CEP89: variants seen among roughly 807,000 people sequenced by gnomAD.
The protein encoded by CEP89 is centrosomal protein 89.
Under a neutral mutation model 97.6 loss-of-function variants are expected in CEP89, and 95 were observed. That is an observed-to-expected ratio of 0.97 (90% CI 0.82 to 1.15). The LOEUF is 1.15. Among genes scored for constraint, CEP89 ranks in the 50% most tolerant of loss-of-function variants. CEP89 has a pLI of 0.00. For missense variants in CEP89, 869 were observed against 947.7 expected, an observed-to-expected ratio of 0.92 and a Z score of 1.09; for synonymous variants, 354 against 349.1, an observed-to-expected ratio of 1.01 and a Z score of -0.16.
chr19:32,947,141 T>A (rs1467995311), intron 5 of CEP89, among the ~76,000 whole-genome samples: 1 of 152,192 alleles, frequency 6.6e-6, no homozygotes, highest in African/African-American at 2.4e-5. Context: ...GATAAAGTAG[T>A]TATTGGTTGT....
chr19:32,918,290 A>G lies in CEP89; in HGVS notation c.1318T>C (p.Leu440=), dbSNP rs199565316. 9 of 1,614,084 alleles carry G rather than the reference A, an allele frequency of 5.6e-6. No homozygotes were observed. Among genetic ancestry groups the G allele is most frequent in the Middle Eastern group, 1.6e-4 (1 of 6,084 alleles). ...TGCTGAATCTCCAACTGCTCCAGCA[A>G]CAACTTGTTTTCCTCTAAAACCAGT... ...AKLVLEENKL[L]LEQLEIQQRK... is the part of the protein sequence containing the mutation. Residue 440 remains leucine, a synonymous_variant, in exon 13 of 19, where the codon TTG becomes CTG. Coordinates refer to ENST00000305768, the MANE Select transcript of CEP89 (RefSeq NM_032816.5).
chr19:32,959,777 C>A (rs1971125166), intron 3 of CEP89, 123 bp downstream of exon 3: 1 of 1,010,582 alleles, frequency 9.9e-7, no homozygotes, highest in Admixed American at 2.6e-5. Flanking sequence ...GCATGAGCAC[C>A]CACGCACCCA....
chr19:32,954,652 CTGT>C (rs756782176), intron 3 of CEP89, among the ~76,000 whole-genome samples: 20 of 151,264 alleles, frequency 1.3e-4, no homozygotes, highest in Non-Finnish European at 3.0e-4. Context: ...TGAGCCCAGC[CTGT>C]TGTTATTATT....
At chr19:32,931,706 G>C in intron 8 of CEP89, 135 bp from the exon 9 acceptor site, 2 of 599,174 alleles carry the variant, frequency 3.3e-6, no homozygotes, top group South Asian at 2.5e-5. Flanking sequence ...GTGTGTGTCT[G>C]TGTGTGTATG....
chr19:32,912,732 C>T (rs1221727595), intron 14 of CEP89, among the ~76,000 whole-genome samples: 1 of 152,076 alleles, frequency 6.6e-6, no homozygotes, highest in East Asian at 1.9e-4. Context: ...TAGCTACACA[C>T]ATATAATTTT....
intron 14 of CEP89, among the ~76,000 whole-genome samples, chr19:32,905,503 A>C (rs1225673274): frequency 7.2e-6 from 1 of 138,690 alleles, no homozygotes; most frequent in Non-Finnish European, 1.6e-5. Context: ...TTTTTTTTTT[A>C]ATTCAATTCT....
intron 16 of CEP89, among the ~76,000 whole-genome samples, chr19:32,896,528 C>A (rs1422196784): frequency 6.6e-6 from 1 of 152,052 alleles, no homozygotes; most frequent in Non-Finnish European, 1.5e-5. Flanking sequence ...TAGAAGAAAA[C>A]ATAGAGGAAG....
intron 12 of CEP89, among the ~76,000 whole-genome samples, chr19:32,920,214 G>GTTTTGT (rs1165931813): frequency 6.6e-6 from 1 of 151,678 alleles, no homozygotes; most frequent in East Asian, 2.0e-4. Flanking sequence ...ATTTTTAATT[G>GTTTTGT]TTTTGTTTTT....
At chr19:32,951,378 T>C (rs1212027761) in intron 4 of CEP89, among the ~76,000 whole-genome samples, 1 of 151,688 alleles carries the variant, frequency 6.6e-6, no homozygotes, top group East Asian at 1.9e-4. Context: ...CCCAGCTACT[T>C]GGGAGGCTGA....
rs531375614 is a variant in CEP89, at chr19:32,966,201, A to G, written c.146+159T>C. 4 of 418,130 alleles carry G rather than the reference A, an allele frequency of 9.6e-6. No individual in the cohort carries two copies. The South Asian group carries it at 3.5e-4, about 37-fold the overall frequency. The allele number at this position is 418,130 out of a possible 1,614,324, so 25.9% of individuals were successfully genotyped here. On this transcript the variant is annotated intron_variant, in intron 2 of 18. Coordinates refer to ENST00000305768, the MANE Select transcript of CEP89 (RefSeq NM_032816.5). ...TCAGTCCATTATCCTCAGAGACACC[A>G]TATTAATTGCATCATTATGGAATCG...
chr19:32,886,659 G>A (rs188886739), intron 17 of CEP89, among the ~76,000 whole-genome samples: 13 of 152,186 alleles, frequency 8.5e-5, no homozygotes, highest in African/African-American at 2.4e-4. Context: ...CAGATAAATG[G>A]TAACGCTATG....
At chr19:32,971,744 G>C (rs1599794064) in intron 1 of CEP89, 92 bp downstream of exon 1, 1 of 1,306,214 alleles carries the variant, frequency 7.7e-7, no homozygotes, top group East Asian at 2.5e-5. Flanking sequence ...CCCTTGACTG[G>C]ATCTCAGGCC....
intron 16 of CEP89, 118 bp from the exon 17 acceptor site, chr19:32,887,959 T>G (rs1969434707): frequency 1.5e-6 from 1 of 665,044 alleles, no homozygotes; most frequent in Admixed American, 2.4e-5. Flanking sequence ...CAACCTGTCC[T>G]GCCTCAACCC....
intron 4 of CEP89, among the ~76,000 whole-genome samples, chr19:32,951,520 TATATATATATATATACACACAC>T (rs1248592235): frequency 2.0e-5 from 1 of 50,992 alleles, no homozygotes; most frequent in East Asian, 8.6e-4. Context: ...ATTATATATA[TATATATATATATATACACACAC>T]ACACACACAC....
chr19:32,919,742 G>C (rs1241219297), intron 12 of CEP89, among the ~76,000 whole-genome samples: 1 of 152,226 alleles, frequency 6.6e-6, no homozygotes, highest in Non-Finnish European at 1.5e-5. Context: ...TTGGCCCACT[G>C]CAACTTCCAC....
At chr19:32,928,450 A>T (rs930807708) in intron 9 of CEP89, among the ~76,000 whole-genome samples, 3 of 150,018 alleles carry the variant, frequency 2.0e-5, no homozygotes, top group Admixed American at 2.0e-4. Flanking sequence ...TTGTTTTTTC[A>T]CCCTGGTCAT....
chr19:32,930,475 T>TA (rs1011995234), intron 9 of CEP89, among the ~76,000 whole-genome samples: 41 of 146,416 alleles, frequency 2.8e-4, no homozygotes, highest in South Asian at 4.3e-4. Flanking sequence ...AAGCTGTTAT[T>TA]AAAAAAAAAA....
chr19:32,890,814 G>A (rs8105526), intron 16 of CEP89, among the ~76,000 whole-genome samples: 110,136 of 151,932 alleles, frequency 0.72, 40,558 homozygotes, highest in Non-Finnish European at 0.8. Flanking sequence ...GGGGGCTCAC[G>A]CTGGGTCCCA....
chr19:32,878,624 C>A lies in CEP89; in HGVS notation c.*538G>T. The stretch of plus-strand genomic sequence containing the variant: ...AGAACTCATCTCAGTGGCAATGTGG[C>A]CAGAGAACATGCCCTGGCTAAAACA... On this transcript the variant is annotated 3_prime_UTR_variant, in exon 19 of 19. Coordinates refer to ENST00000305768, the MANE Select transcript of CEP89 (RefSeq NM_032816.5). The A allele has an allele frequency of 6.6e-6, 1 of 152,464 alleles. No homozygotes were observed. The highest frequency in any genetic ancestry group is 1.5e-5 in the Non-Finnish European group (1 of 68,170). The allele number at this position is 152,464 out of a possible 1,614,324, so 9.4% of individuals were successfully genotyped here. A position where few individuals can be genotyped will look rare whatever the true frequency, so the allele number is the denominator to read the frequency against.
Sources: gnomAD v4.1 joint callset for allele counts (sites outside exome capture counted in the v4.1 genomes callset) on GRCh38, gnomAD v4.1.1 for gene constraint, MANE v1.5 for transcripts, NCBI Gene and HGNC (gene_info 2026-07-23, HGNC 2026-07-21) for gene names.